Variants in RPRD2 observed in about 807,000 individuals in gnomAD.
The protein encoded by RPRD2 is regulation of nuclear pre-mRNA domain containing 2, also known as regulation of nuclear pre-mRNA domain-containing protein 2.
In RPRD2, 12 loss-of-function variants were observed where a neutral mutation model predicts 104.4. That is an observed-to-expected ratio of 0.11 (90% CI 0.07 to 0.19). The LOEUF (loss-of-function observed/expected upper bound fraction) is 0.19, where lower values mean the gene tolerates loss of function less well. Ranked by LOEUF, RPRD2 falls within the 10% of genes least tolerant of loss-of-function variation. The pLI, the probability that RPRD2 is intolerant of heterozygous loss-of-function variation, is 1.00. For missense variants in RPRD2, 1,543 were observed against 1,790.1 expected (o/e 0.86, Z 2.49); for synonymous variants, 714 against 684.9 (o/e 1.04, Z -0.66).
intron 2 of RPRD2, among the ~76,000 whole-genome samples, chr1:150,421,417 T>A (rs1169297345): frequency 6.6e-6 from 1 of 152,158 alleles, no homozygotes; most frequent in East Asian, 1.9e-4. Context: ...AGATTTGGTA[T>A]TGTTAAAAAT....
At chr1:150,366,612 T>G (rs1421960638) in intron 1 of RPRD2, among the ~76,000 whole-genome samples, 2 of 152,220 alleles carry the variant, frequency 1.3e-5, no homozygotes, top group Admixed American at 6.6e-5. Flanking sequence ...TTTTAATCAC[T>G]GATTTACAAA....
At chr1:150,443,947 G>C (rs1366194593) in intron 5 of RPRD2, among the ~76,000 whole-genome samples, 1 of 152,080 alleles carries the variant, frequency 6.6e-6, no homozygotes, top group African/African-American at 2.4e-5. Context: ...GAACCCGGGA[G>C]GCGGAGCTTG....
At chr1:150,426,441 G>A (rs1553890550) in intron 2 of RPRD2, among the ~76,000 whole-genome samples, 1 of 152,066 alleles carries the variant, frequency 6.6e-6, no homozygotes, top group Non-Finnish European at 1.5e-5. Context: ...GTGAATAATA[G>A]TACAGTTTGT....
chr1:150,410,348 T>G (rs1663807756), intron 1 of RPRD2, among the ~76,000 whole-genome samples: 1 of 152,140 alleles, frequency 6.6e-6, no homozygotes. Context: ...TGAGTTGAGA[T>G]TAGACTGAAG....
At chr1:150,465,535 G>A (rs183737468) in intron 10 of RPRD2, among the ~76,000 whole-genome samples, 1 of 152,218 alleles carries the variant, frequency 6.6e-6, no homozygotes, top group Non-Finnish European at 1.5e-5. Context: ...AGGAAACTAA[G>A]GCTCAGTAAG....
chr1:150,381,746 C>T lies in RPRD2; in HGVS notation c.205+16827C>T, dbSNP rs943256613. Among the ~76,000 whole-genome samples the T allele has an allele frequency of 1.5e-4, 23 of 152,064 alleles. No homozygotes were observed. The East Asian group carries it at 3.9e-3, about 26-fold the overall frequency. On this transcript the variant is annotated intron_variant, in intron 1 of 10. Transcript: ENST00000369068. ...GTCTCGATCTCCTAACCTCGTGATC[C>T]GCCCGCCTTAGCCTCCCAAAGTGCT... is the stretch of plus-strand genomic sequence containing the variant.
At position 150,472,832 on chromosome 1, in the gene RPRD2, C is replaced by T. The variant is rs758512438; in HGVS notation, c.3884C>T (p.Pro1295Leu). 1.2e-5 allele frequency: 20 copies of T among 1,611,558 alleles called. No homozygotes were observed. The highest frequency in any genetic ancestry group is 2.2e-5 in the East Asian group (1 of 44,820). Residue 1295 changes from proline to leucine, a missense_variant, in exon 11 of 11, where the codon CCT (proline) becomes CTT (leucine). Physicochemically the swap from Pro to Leu is moderately conservative, Grantham distance 98 (BLOSUM62 -3). Coordinates refer to ENST00000369068, the MANE Select transcript of RPRD2 (RefSeq NM_015203.5). ...GTCCCCTTTTCTACTCCACCCCCTC[C>T]TCCACCCCCTGTTGACCACTCTGGA... ...SGVPFSTPPPPPPPVDHSGVV... is the reference protein window; with the variant it reads ...SGVPFSTPPPLPPPVDHSGVV...
chr1:150,441,022 G>A lies in RPRD2; in HGVS notation c.435G>A (p.Leu145=). The A allele has an allele frequency of 6.6e-7, 1 of 1,508,312 alleles. No individual in the cohort carries two copies. Among genetic ancestry groups the A allele is most frequent in the Non-Finnish European group, 9.0e-7 (1 of 1,109,880 alleles). The allele number at this position is 1,508,312 out of a possible 1,614,324, so 93.4% of individuals were successfully genotyped here. A position where few individuals can be genotyped will look rare whatever the true frequency, so the allele number is the denominator to read the frequency against. The change falls in exon 3 of 11, where the codon TTG becomes TTA. Residue 145 remains leucine, a splice_region_variant and synonymous_variant. Transcript: ENST00000369068. ...TGATTGTGGCATTGAGAGAAGCTTT[G>A]AGTAAGTGTCTTTTTCTCTCCTAAA... ...EEMIVALREA[L]STTFKTQKQL...
chr1:150,420,325 G>A (rs1572437533), intron 2 of RPRD2, among the ~76,000 whole-genome samples: 1 of 151,984 alleles, frequency 6.6e-6, no homozygotes, highest in African/African-American at 2.4e-5. Flanking sequence ...GGAAAAAAGT[G>A]AGAAGGACAT....
chr1:150,430,927 C>CAA (rs34205529), intron 2 of RPRD2, among the ~76,000 whole-genome samples: 3 of 135,468 alleles, frequency 2.2e-5, no homozygotes, highest in African/African-American at 8.1e-5. Context: ...AACTCCATCT[C>CAA]AAAAAAAAAA....
intron 10 of RPRD2, among the ~76,000 whole-genome samples, chr1:150,464,983 C>G (rs1194989711): frequency 6.6e-6 from 1 of 152,022 alleles, no homozygotes; most frequent in Non-Finnish European, 1.5e-5. Context: ...ATTCTTCTGC[C>G]TCAGCCTCCC....
Position 150,471,410 on chromosome 1 carries a change from T to C in RPRD2, c.2462T>C (p.Phe821Ser). 1 of 1,613,890 alleles carries C rather than the reference T, an allele frequency of 6.2e-7. No homozygotes were observed. The highest frequency in any genetic ancestry group is 8.5e-7 in the Non-Finnish European group (1 of 1,179,872). The change falls in exon 11 of 11, where the codon TTC (phenylalanine) becomes TCC (serine). Residue 821 changes from phenylalanine to serine, a missense_variant. Physicochemically the swap from Phe to Ser is radical, Grantham distance 155. Around this residue, in one of 4 missense-constraint regions of RPRD2, gnomAD observed 880 missense variants for 885.6 expected, o/e 0.99. Coordinates refer to ENST00000369068, the MANE Select transcript of RPRD2 (RefSeq NM_015203.5). The surrounding 1 kb of genome is among the most constrained non-coding windows in gnomAD (Gnocchi z 5.3). ...SSLMDSSQEK[F>S]YPDTSFQEDE... Reference sequence around the variant, plus strand: ...CTGATGGACTCTTCACAGGAAAAGTTCTACCCAGATACTTCTTTCCAAGAA... The same window carrying C: ...CTGATGGACTCTTCACAGGAAAAGTCCTACCCAGATACTTCTTTCCAAGAA...
chr1:150,434,611 T>C (rs1553892720), intron 2 of RPRD2, among the ~76,000 whole-genome samples: 1 of 151,122 alleles, frequency 6.6e-6, no homozygotes, highest in Non-Finnish European at 1.5e-5. Flanking sequence ...AGGTCAGGAG[T>C]TCAAGACCAG....
chr1:150,460,148 T>C lies in RPRD2; in HGVS notation c.1242T>C (p.Ser414=), dbSNP rs1218266748. 4 of 1,613,844 alleles carry C rather than the reference T, an allele frequency of 2.5e-6. No individual in the cohort carries two copies. The highest frequency in any genetic ancestry group is 3.4e-6 in the Non-Finnish European group (4 of 1,179,880). The change falls in exon 9 of 11, where the codon TCT becomes TCC. Residue 414 remains serine (S), a synonymous_variant. Transcript: ENST00000369068. ...CAACAGAAAATATCTCAAAGGCCTCTTCATGTACCCCAGTGCCTGTGACCA... is the reference window on the plus strand; with the variant it reads ...CAACAGAAAATATCTCAAAGGCCTCCTCATGTACCCCAGTGCCTGTGACCA... ...TKPTENISKA[S]SCTPVPVTMT... is the part of the protein sequence containing the mutation.
chr1:150,410,969 C>T (rs1349390212), intron 1 of RPRD2, among the ~76,000 whole-genome samples: 1 of 152,080 alleles, frequency 6.6e-6, no homozygotes, highest in Non-Finnish European at 1.5e-5. Flanking sequence ...CTCAAGTGAT[C>T]CTCCCACGTC....
intron 1 of RPRD2, among the ~76,000 whole-genome samples, chr1:150,382,723 C>A (rs1384138720): frequency 1.3e-5 from 2 of 152,144 alleles, no homozygotes; most frequent in Non-Finnish European, 2.9e-5. Context: ...ATAGTCCCAG[C>A]TACTTGGGAG....
rs1176945512 is a variant in RPRD2 at position 150,471,800 on chromosome 1, C to T, written c.2852C>T (p.Thr951Ile). Residue 951 changes from threonine (T) to isoleucine (I), a missense_variant, in exon 11 of 11, where the codon ACC (threonine) becomes ATC (isoleucine). Thr to Ile is a moderately conservative substitution (Grantham distance 89). Transcript: ENST00000369068. The surrounding 1 kb of genome is among the most constrained non-coding windows in gnomAD (Gnocchi z 5.3). ...AACCACAATAGCTTGTCTCAATCTACCACTGGGCATCTCAGTTTGCCACAG... is the reference window on the plus strand; with the variant it reads ...AACCACAATAGCTTGTCTCAATCTATCACTGGGCATCTCAGTTTGCCACAG... ...DSNHNSLSQS[T>I]TGHLSLPQKQ... 3.7e-6 allele frequency: 6 copies of T among 1,613,946 alleles called. No individual in the cohort carries two copies. The highest frequency in any genetic ancestry group is 5.1e-6 in the Non-Finnish European group (6 of 1,179,866).
intron 2 of RPRD2, among the ~76,000 whole-genome samples, chr1:150,438,686 C>T (rs1392708729): frequency 6.6e-6 from 1 of 151,914 alleles, no homozygotes; most frequent in African/African-American, 2.4e-5. Flanking sequence ...ATCCTTTGAA[C>T]ATCCTAGAGT....
chr1:150,430,971 T>C (rs1553891554), intron 2 of RPRD2, among the ~76,000 whole-genome samples: 1 of 150,040 alleles, frequency 6.7e-6, no homozygotes, highest in Non-Finnish European at 1.5e-5. Flanking sequence ...CTAAAAGTGA[T>C]GAAAAATATG....
Sources: allele counts gnomAD v4.1 joint callset (sites outside exome capture counted in the v4.1 genomes callset), GRCh38; gene constraint gnomAD v4.1.1; regional missense constraint gnomAD v4.1.1; non-coding constraint Gnocchi (gnomAD v3.1); transcripts MANE v1.5; gene names NCBI Gene and HGNC (gene_info 2026-07-23, HGNC 2026-07-21).